NCKAP5: variants seen among roughly 807,000 people sequenced by gnomAD.
NCKAP5 encodes nck-associated protein 5.
Under a neutral mutation model 167.0 loss-of-function variants are expected in NCKAP5, and 92 were observed. The ratio of observed to expected loss-of-function variants is 0.55; its 90% CI spans 0.47 to 0.66. The LOEUF (loss-of-function observed/expected upper bound fraction) is 0.66. Ranked by LOEUF, NCKAP5 falls within the 30% of genes least tolerant of loss-of-function variation. The pLI is 0.00. For missense variants in NCKAP5, 2,378 were observed against 2,315.0 expected (o/e 1.03, Z -0.56); for synonymous variants, 891 against 877.4 (o/e 1.02, Z -0.27).
At chr2:132,801,229 C>A (rs1311570859) in intron 11 of NCKAP5, among the ~76,000 whole-genome samples, 1 of 152,084 alleles carries the variant, frequency 6.6e-6, no homozygotes, top group Non-Finnish European at 1.5e-5. Context: ...TGGAAGAAAG[C>A]CACTCTGGGA....
At chr2:133,610,557 G>C in the NCKAP5 span, among the ~76,000 whole-genome samples, 1 of 152,100 alleles carries the variant, frequency 6.6e-6, no homozygotes, top group Non-Finnish European at 1.5e-5. Context: ...CTAAACCTGG[G>C]GGGCAAGAGA....
intron 2 of NCKAP5, among the ~76,000 whole-genome samples, chr2:133,528,072 A>T (rs1278727235): frequency 6.6e-6 from 1 of 152,086 alleles, no homozygotes; most frequent in South Asian, 2.1e-4. Context: ...CAAAAAACAA[A>T]ACAAACAAAC....
chr2:133,342,343 T>C (rs1369076936), intron 3 of NCKAP5, among the ~76,000 whole-genome samples: 1 of 152,176 alleles, frequency 6.6e-6, no homozygotes, highest in Non-Finnish European at 1.5e-5. Flanking sequence ...GATGATCTTA[T>C]GCAGATGACC....
At chr2:133,268,275 A>G (rs1216951359) in intron 4 of NCKAP5, 1 of 152,216 alleles carries the variant, frequency 6.6e-6, no homozygotes, top group Non-Finnish European at 1.5e-5. Flanking sequence ...CACTTATTTT[A>G]TAGCCCAGTG....
At chr2:133,049,486 G>A (rs6430387) in intron 6 of NCKAP5, among the ~76,000 whole-genome samples, 74,128 of 148,000 alleles carry the variant, frequency 0.5, 19,410 homozygotes, top group East Asian at 0.7. Context: ...CAGAGCTTGC[G>A]GTGAGCCGAG....
intron 11 of NCKAP5, among the ~76,000 whole-genome samples, chr2:132,809,689 G>T (rs947990866): frequency 1.3e-5 from 2 of 152,090 alleles, no homozygotes; most frequent in Non-Finnish European, 1.5e-5. Flanking sequence ...GGCAGCAGAT[G>T]GTTGGTTCAT....
At chr2:133,082,801 C>T (rs1481744036) in intron 6 of NCKAP5, among the ~76,000 whole-genome samples, 1 of 152,116 alleles carries the variant, frequency 6.6e-6, no homozygotes, top group Non-Finnish European at 1.5e-5. Flanking sequence ...TAATTATAGA[C>T]AGTTAAAAAT....
chr2:133,188,528 T>C (rs145086977), intron 5 of NCKAP5, among the ~76,000 whole-genome samples: 2,280 of 152,148 alleles, frequency 0.015, 58 homozygotes, highest in African/African-American at 0.052. Context: ...GACCACATAG[T>C]TGGAAGTAAA....
At chr2:132,991,529 C>T (rs4954016) in intron 7 of NCKAP5, among the ~76,000 whole-genome samples, 108,755 of 152,042 alleles carry the variant, frequency 0.72, 39,859 homozygotes, top group African/African-American at 0.87. Context: ...TTATGAAAGG[C>T]CTTTGGGAAC....
intron 3 of NCKAP5, among the ~76,000 whole-genome samples, chr2:133,469,550 G>A (rs1692882017): frequency 6.6e-6 from 1 of 152,020 alleles, no homozygotes; most frequent in South Asian, 2.1e-4. Context: ...GAATCTGAAT[G>A]TTGGCCTACC....
chr2:133,600,089 C>T, the NCKAP5 span, among the ~76,000 whole-genome samples: 3 of 152,170 alleles, frequency 2.0e-5, no homozygotes, highest in East Asian at 1.9e-4. Flanking sequence ...TCATCTGTGT[C>T]GCGGAATTTC....
intron 3 of NCKAP5, among the ~76,000 whole-genome samples, chr2:133,432,426 G>T (rs1000950176): frequency 2.0e-5 from 3 of 152,182 alleles, no homozygotes; most frequent in Non-Finnish European, 4.4e-5. Context: ...TCACTGAAGT[G>T]CTTTGAGAAC....
chr2:133,308,559 A>C (rs1382228009), intron 3 of NCKAP5, among the ~76,000 whole-genome samples: 1 of 152,144 alleles, frequency 6.6e-6, no homozygotes, highest in African/African-American at 2.4e-5. Flanking sequence ...GGAAATAATC[A>C]GATGAAAGCA....
At chr2:133,231,047 T>C (rs2087123528) in intron 4 of NCKAP5, among the ~76,000 whole-genome samples, 2 of 152,278 alleles carry the variant, frequency 1.3e-5, no homozygotes, top group African/African-American at 2.4e-5. Flanking sequence ...GGGAAAGATA[T>C]TGTGAGGCTC....
At chr2:133,404,851 C>A (rs887358390) in intron 3 of NCKAP5, among the ~76,000 whole-genome samples, 1 of 152,152 alleles carries the variant, frequency 6.6e-6, no homozygotes, top group Admixed American at 6.5e-5. Context: ...ATTTTTACCC[C>A]TAGATTACAG....
chr2:132,982,365 C>T (rs1270882583), intron 7 of NCKAP5, among the ~76,000 whole-genome samples: 2 of 152,140 alleles, frequency 1.3e-5, no homozygotes, highest in Non-Finnish European at 2.9e-5. Context: ...AGGGAGAAAG[C>T]TAGGATTCAT....
At chr2:133,518,344 A>ATTTTTTTTTTTTTTTTT (rs751025050) in intron 2 of NCKAP5, among the ~76,000 whole-genome samples, 1 of 74,616 alleles carries the variant, frequency 1.3e-5, no homozygotes, top group Non-Finnish European at 2.4e-5. Flanking sequence ...ACAGTAAAGG[A>ATTTTTTTTTTTTTTTTT]TTTTTTTTTT....
chr2:133,070,520 T>C (rs1205109693), intron 6 of NCKAP5, among the ~76,000 whole-genome samples: 5 of 152,156 alleles, frequency 3.3e-5, no homozygotes, highest in African/African-American at 1.2e-4. Context: ...AGTTCTCATT[T>C]CCTAGGGAGG....
At chr2:133,353,809 T>G (rs1490193714) in intron 3 of NCKAP5, among the ~76,000 whole-genome samples, 1 of 152,064 alleles carries the variant, frequency 6.6e-6, no homozygotes, top group Non-Finnish European at 1.5e-5. Flanking sequence ...GGGAAGATCA[T>G]CTTCCGACTC....
Sources: gnomAD v4.1 joint callset for allele counts (sites outside exome capture counted in the v4.1 genomes callset) on GRCh38, gnomAD v4.1.1 for gene constraint, MANE v1.5 for transcripts, NCBI Gene and HGNC (gene_info 2026-07-23, HGNC 2026-07-21) for gene names.